Variants in XKR9 observed in about 807,000 individuals in gnomAD.
XKR9 encodes the protein XK related 9, also known as XK-related protein 9.
Under a neutral mutation model 32.0 loss-of-function variants are expected in XKR9, and 32 were observed. That is an observed-to-expected ratio of 1.00 (90% confidence interval 0.76 to 1.34). The LOEUF is 1.34. XKR9 is among the 40% of genes most tolerant of loss of function. The pLI is 0.00. For synonymous variants in XKR9, 168 were observed against 143.4 expected (o/e 1.17, Z -1.22); for missense variants, 546 against 429.7 (o/e 1.27, Z -2.39).
the XKR9 span, among the ~76,000 whole-genome samples, chr8:70,815,201 T>G: frequency 2.3e-4 from 35 of 152,324 alleles, no homozygotes; most frequent in South Asian, 1.9e-3. Flanking sequence ...AGGATACATG[T>G]GCAGGTTTGT....
chr8:70,794,823 T>TGTG (rs1807808191), downstream of XKR9, among the ~76,000 whole-genome samples: 1 of 147,586 alleles, frequency 6.8e-6, no homozygotes, highest in Non-Finnish European at 1.5e-5. Context: ...TAGTCTTCTT[T>TGTG]TGTGTGTGTG....
At chr8:70,953,049 G>A in the XKR9 span, among the ~76,000 whole-genome samples, 5 of 152,202 alleles carry the variant, frequency 3.3e-5, no homozygotes, top group African/African-American at 1.2e-4. Flanking sequence ...CGTGCAGGAG[G>A]ATGAGGACAG....
At chr8:70,800,764 G>A in the XKR9 span, among the ~76,000 whole-genome samples, 1 of 152,136 alleles carries the variant, frequency 6.6e-6, no homozygotes, top group African/African-American at 2.4e-5. Context: ...GGGATTACAG[G>A]TGTGAGCCAC....
chr8:70,716,170 A>G (rs1563443681), intron 4 of XKR9, among the ~76,000 whole-genome samples: 1 of 152,048 alleles, frequency 6.6e-6, no homozygotes, highest in Non-Finnish European at 1.5e-5. Context: ...TAATTTGAAG[A>G]TTTTGCTAAG....
chr8:70,882,452 A>G, the XKR9 span, among the ~76,000 whole-genome samples: 1 of 151,722 alleles, frequency 6.6e-6, no homozygotes, highest in Admixed American at 6.6e-5. Flanking sequence ...ATTTATGTAT[A>G]TATAAATGTG....
chr8:71,010,806 A>G, the XKR9 span, among the ~76,000 whole-genome samples: 3 of 152,102 alleles, frequency 2.0e-5, no homozygotes, highest in African/African-American at 7.2e-5. Flanking sequence ...GCATTTTCAT[A>G]TTTGAGTCTG....
chr8:70,778,869 A>G, intron 2 of XKR9, among the ~76,000 whole-genome samples: 1 of 152,192 alleles, frequency 6.6e-6, no homozygotes, highest in South Asian at 2.1e-4. Flanking sequence ...GGGGTTTTCT[A>G]AATATACAGT....
the XKR9 span, among the ~76,000 whole-genome samples, chr8:70,938,557 G>T: frequency 1.3e-5 from 2 of 151,982 alleles, no homozygotes; most frequent in Non-Finnish European, 2.9e-5. Context: ...CTCTGTCATT[G>T]TCCAGAATCA....
the XKR9 span, among the ~76,000 whole-genome samples, chr8:70,875,462 G>T: frequency 6.6e-6 from 1 of 152,114 alleles, no homozygotes; most frequent in Admixed American, 6.6e-5. Context: ...TAATACTGGT[G>T]CCTCCTCAAA....
chr8:70,973,963 A>G, the XKR9 span, among the ~76,000 whole-genome samples: 1 of 152,180 alleles, frequency 6.6e-6, no homozygotes, highest in Non-Finnish European at 1.5e-5. Flanking sequence ...TGTTTCATCA[A>G]TATCTGTTTA....
intron 2 of XKR9, among the ~76,000 whole-genome samples, chr8:70,741,014 A>T (rs972237319): frequency 6.6e-6 from 1 of 152,242 alleles, no homozygotes; most frequent in Non-Finnish European, 1.5e-5. Flanking sequence ...AGACAGGGAC[A>T]TTGAAGTCTG....
At chr8:71,017,490 A>T in the XKR9 span, among the ~76,000 whole-genome samples, 52 of 152,314 alleles carry the variant, frequency 3.4e-4, no homozygotes, top group African/African-American at 1.3e-3. Flanking sequence ...GGAAGGTATG[A>T]TGGAGAAGGA....
At chr8:71,047,322 A>G in the XKR9 span, among the ~76,000 whole-genome samples, 293 of 152,340 alleles carry the variant, frequency 1.9e-3, 3 homozygotes, top group Admixed American at 6.6e-3. Flanking sequence ...GAAGACCATC[A>G]CTTATTCCTT....
chr8:70,900,406 A>G, the XKR9 span, among the ~76,000 whole-genome samples: 1 of 152,086 alleles, frequency 6.6e-6, no homozygotes, highest in Non-Finnish European at 1.5e-5. Context: ...CCTGGCTAAC[A>G]TGGTGAAACC....
downstream of XKR9, among the ~76,000 whole-genome samples, chr8:70,737,034 A>G (rs1347549629): frequency 1.3e-5 from 2 of 152,162 alleles, no homozygotes; most frequent in Non-Finnish European, 2.9e-5. Context: ...TGGGGATGAC[A>G]TTGAATCTAT....
At chr8:70,903,707 T>C in the XKR9 span, among the ~76,000 whole-genome samples, 6 of 152,344 alleles carry the variant, frequency 3.9e-5, no homozygotes, top group Non-Finnish European at 8.8e-5. Context: ...CTCTTGCTTC[T>C]CTAGTTCTTT....
the XKR9 span, among the ~76,000 whole-genome samples, chr8:70,981,829 G>C: frequency 6.6e-6 from 1 of 152,108 alleles, no homozygotes; most frequent in African/African-American, 2.4e-5. Flanking sequence ...TGTCCCATAG[G>C]GTGCTCCTTG....
chr8:70,863,180 G>C, the XKR9 span, among the ~76,000 whole-genome samples: 2 of 152,174 alleles, frequency 1.3e-5, no homozygotes, highest in African/African-American at 4.8e-5. Context: ...AGAATCTCAG[G>C]CCATGGCTTC....
chr8:71,008,057 A>G, the XKR9 span, among the ~76,000 whole-genome samples: 1 of 152,312 alleles, frequency 6.6e-6, no homozygotes, highest in East Asian at 1.9e-4. Flanking sequence ...AAAGAACCAA[A>G]AAAAGTACTA....
Sources: gnomAD v4.1 joint callset for allele counts (sites outside exome capture counted in the v4.1 genomes callset) on GRCh38, gnomAD v4.1.1 for gene constraint, MANE v1.5 for transcripts, NCBI Gene and HGNC (gene_info 2026-07-23, HGNC 2026-07-21) for gene names.